Variants in PCDH15 observed in about 807,000 individuals in gnomAD.
PCDH15 encodes protocadherin related 15, also known as protocadherin-15.
In PCDH15, 129 loss-of-function variants were observed where a neutral mutation model predicts 178.5. The observed-to-expected ratio is 0.72, with a 90% confidence interval of 0.63 to 0.84. The LOEUF is 0.84. Ranked by LOEUF, PCDH15 falls within the 40% of genes least tolerant of loss-of-function variation. PCDH15 has a pLI of 0.00. For missense variants in PCDH15, 2,230 were observed against 2,099.9 expected (o/e 1.06, Z -1.21); for synonymous variants, 800 against 732.0 (o/e 1.09, Z -1.50).
intron 1 of PCDH15, among the ~76,000 whole-genome samples, chr10:55,314,207 A>G (rs942389835): frequency 7.0e-6 from 1 of 142,040 alleles, no homozygotes; most frequent in African/African-American, 2.5e-5. Flanking sequence ...GTGTATATAT[A>G]TATATATATA....
chr10:54,433,820 A>G (rs1388986361), intron 3 of PCDH15, among the ~76,000 whole-genome samples: 1 of 152,160 alleles, frequency 6.6e-6, no homozygotes, highest in African/African-American at 2.4e-5. Flanking sequence ...AAATATATAC[A>G]CCTATTATGT....
chr10:53,934,326 TC>T (rs1564806412), intron 25 of PCDH15, among the ~76,000 whole-genome samples: 1 of 151,972 alleles, frequency 6.6e-6, no homozygotes, highest in African/African-American at 2.4e-5. Flanking sequence ...ACTCATGCCA[TC>T]CCCACTGACC....
At chr10:54,740,918 T>C (rs577216098) in intron 1 of PCDH15, among the ~76,000 whole-genome samples, 1 of 151,956 alleles carries the variant, frequency 6.6e-6, no homozygotes, top group Non-Finnish European at 1.5e-5. Context: ...GATACAAAAA[T>C]ATATATAGAT....
intron 2 of PCDH15, among the ~76,000 whole-genome samples, chr10:54,603,578 C>A (rs530585452): frequency 1.3e-5 from 2 of 151,474 alleles, no homozygotes; most frequent in Admixed American, 1.3e-4. Flanking sequence ...GATGGTGGAT[C>A]CCCATGCCAT....
chr10:55,504,554 G>C (rs1003194701), intron 2 of PCDH15, among the ~76,000 whole-genome samples: 1 of 151,110 alleles, frequency 6.6e-6, no homozygotes, highest in African/African-American at 2.4e-5. Flanking sequence ...AAGTAATTTA[G>C]CTTTTCTAAG....
At chr10:54,744,625 GAC>G (rs1401220717) in intron 1 of PCDH15, among the ~76,000 whole-genome samples, 1 of 151,942 alleles carries the variant, frequency 6.6e-6, no homozygotes, top group Non-Finnish European at 1.5e-5. Context: ...AGTTGAAAAA[GAC>G]AAAGAAAACT....
chr10:54,105,103 T>A (rs1233134991), intron 15 of PCDH15, among the ~76,000 whole-genome samples: 15 of 150,892 alleles, frequency 9.9e-5, no homozygotes, highest in Middle Eastern at 3.5e-3. Context: ...CATTTTTTGA[T>A]CTAATCATAT....
intron 3 of PCDH15, among the ~76,000 whole-genome samples, chr10:54,846,851 C>A (rs1167241239): frequency 6.6e-6 from 1 of 152,052 alleles, no homozygotes; most frequent in Admixed American, 6.6e-5. Flanking sequence ...AAATAAAATT[C>A]TATAAAACTA....
At chr10:54,444,175 G>GA (rs1203719112) in intron 3 of PCDH15, among the ~76,000 whole-genome samples, 3 of 151,634 alleles carry the variant, frequency 2.0e-5, no homozygotes, top group African/African-American at 4.8e-5. Flanking sequence ...ATTGGTATCT[G>GA]AAAAAAATCT....
chr10:54,545,337 A>G (rs548772653), intron 2 of PCDH15, among the ~76,000 whole-genome samples: 5 of 152,320 alleles, frequency 3.3e-5, no homozygotes, highest in South Asian at 2.1e-4. Context: ...AACTCTTTAA[A>G]TAATAGAAAA....
chr10:54,930,220 G>T (rs1360764278), intron 2 of PCDH15, among the ~76,000 whole-genome samples: 2 of 152,196 alleles, frequency 1.3e-5, no homozygotes, highest in East Asian at 1.9e-4. Flanking sequence ...ATTAGGGTGG[G>T]GTTGCAAGGT....
intron 11 of PCDH15, among the ~76,000 whole-genome samples, chr10:54,194,660 C>CTATT (rs1480465054): frequency 4.8e-5 from 7 of 144,344 alleles, no homozygotes; most frequent in African/African-American, 2.0e-4. Flanking sequence ...CTCTATCTAT[C>CTATT]TATCTATCTA....
chr10:54,473,227 T>C (rs2078041968), intron 3 of PCDH15, among the ~76,000 whole-genome samples: 1 of 152,140 alleles, frequency 6.6e-6, no homozygotes, highest in African/African-American at 2.4e-5. Context: ...AAATACCTTT[T>C]GAGGAAGAAG....
chr10:55,318,481 A>C (rs2132296757), intron 1 of PCDH15, among the ~76,000 whole-genome samples: 1 of 152,286 alleles, frequency 6.6e-6, no homozygotes, highest in South Asian at 2.1e-4. Context: ...GAGTGATAAA[A>C]ATCGAAAGTT....
chr10:54,393,573 G>T (rs1411061633), intron 3 of PCDH15, among the ~76,000 whole-genome samples: 2 of 152,140 alleles, frequency 1.3e-5, no homozygotes, highest in Admixed American at 1.3e-4. Context: ...GCTTATTTAA[G>T]CTTCATTTAC....
intron 2 of PCDH15, among the ~76,000 whole-genome samples, chr10:55,439,595 ATT>A (rs34013835): frequency 0.017 from 2,495 of 150,540 alleles, 62 homozygotes; most frequent in African/African-American, 0.055. Flanking sequence ...AGTTTATGGC[ATT>A]TTTTTTTTTA....
At chr10:55,058,498 C>A (rs1841359576) in intron 2 of PCDH15, among the ~76,000 whole-genome samples, 1 of 152,136 alleles carries the variant, frequency 6.6e-6, no homozygotes. Flanking sequence ...CTTGAGCCAC[C>A]ATACCTGGCC....
At chr10:54,989,372 C>T (rs1839448122) in intron 2 of PCDH15, among the ~76,000 whole-genome samples, 1 of 152,194 alleles carries the variant, frequency 6.6e-6, no homozygotes, top group Admixed American at 6.5e-5. Context: ...ACACTGACAG[C>T]TTGCACTGTG....
At chr10:54,654,140 C>A (rs1206035491) in intron 2 of PCDH15, among the ~76,000 whole-genome samples, 2 of 152,208 alleles carry the variant, frequency 1.3e-5, no homozygotes, top group South Asian at 4.1e-4. Flanking sequence ...TTTCCCATTT[C>A]ATTGCTCACT....
Sources: allele counts gnomAD v4.1 joint callset (sites outside exome capture counted in the v4.1 genomes callset), GRCh38; gene constraint gnomAD v4.1.1; transcripts MANE v1.5; gene names NCBI Gene and HGNC (gene_info 2026-07-23, HGNC 2026-07-21).